Variants in ACOX3 observed in about 807,000 individuals in gnomAD.
ACOX3 encodes acyl-CoA oxidase 3, pristanoyl, also known as peroxisomal acyl-coenzyme A oxidase 3.
Under a neutral mutation model 81.5 loss-of-function variants are expected in ACOX3, and 73 were observed. That is an observed-to-expected ratio of 0.90 (90% CI 0.74 to 1.09). ACOX3 has a LOEUF of 1.09. ACOX3 is among the 50% of genes least tolerant of loss of function. The pLI is 0.00. For missense variants in ACOX3, 947 were observed against 928.0 expected (o/e 1.02, Z -0.27); for synonymous variants, 387 against 375.1 (o/e 1.03, Z -0.37).
rs116697832 is a variant in ACOX3, at chr4:8,375,557, G to A, written c.1654-405C>T. The stretch of plus-strand genomic sequence containing the variant: ...CTTCTTCCACACGGGAAGACACAGA[G>A]GAGCTGGAGAAGGGGCTTGTCAGGC... On this transcript the variant is annotated intron_variant, in intron 14 of 17. Coordinates refer to ENST00000356406, the MANE Select transcript of ACOX3 (RefSeq NM_003501.3). Among the ~76,000 whole-genome samples the A allele has an allele frequency of 3.0e-3, 461 of 152,332 alleles. 2 individuals are homozygous for A. Among genetic ancestry groups the A allele is most frequent in the African/African-American group, 0.01 (432 of 41,576 alleles).
At chr4:8,402,871 C>T (rs887860722) in intron 7 of ACOX3, among the ~76,000 whole-genome samples, 4 of 152,188 alleles carry the variant, frequency 2.6e-5, no homozygotes, top group Admixed American at 2.6e-4. Flanking sequence ...CCCTGGACAT[C>T]CTGCTTCTTA....
chr4:8,414,179 T>C lies in ACOX3; in HGVS notation c.543+113A>G. ...GTGGGTATTTCTACACAAGTGTATGTGGACAGGCCTCTTGCTTTAATGTTT... is the reference window on the plus strand; with the variant it reads ...GTGGGTATTTCTACACAAGTGTATGCGGACAGGCCTCTTGCTTTAATGTTT... On this transcript the variant is annotated intron_variant, in intron 5 of 17. Coordinates refer to ENST00000356406, the MANE Select transcript of ACOX3 (RefSeq NM_003501.3). The surrounding 1 kb of genome is among the most constrained non-coding windows in gnomAD (Gnocchi z 6.1). The C allele has an allele frequency of 1.1e-6, 1 of 886,978 alleles. No individual in the cohort carries two copies. Among genetic ancestry groups the C allele is most frequent in the Admixed American group, 2.1e-5 (1 of 48,240 alleles). 54.9% of individuals were successfully genotyped at this position (886,978 alleles called of 1,614,324 possible).
At chr4:8,383,143 C>T (rs1396771196) in intron 13 of ACOX3, among the ~76,000 whole-genome samples, 2 of 152,348 alleles carry the variant, frequency 1.3e-5, no homozygotes, top group Middle Eastern at 3.4e-3. Flanking sequence ...GCTCACACGT[C>T]AGGCGGCTTG....
At chr4:8,401,268 G>A (rs1226719234) in intron 7 of ACOX3, among the ~76,000 whole-genome samples, 2 of 152,216 alleles carry the variant, frequency 1.3e-5, no homozygotes, top group African/African-American at 4.8e-5. Flanking sequence ...CTAGTACCAC[G>A]GGGTTGGGGA....
chr4:8,382,231 G>T lies in ACOX3; in HGVS notation c.1538-624C>A, dbSNP rs759214571. 6.6e-6 allele frequency among the ~76,000 whole-genome samples: 1 copy of T among 152,196 alleles called. No individual in the cohort carries two copies. ...GTTGCAGACAGGGAGGCCCCGGGGT[G>T]GGGTGTCAGGCAGGACAGCTGGAGA... On this transcript the variant is annotated intron_variant, in intron 13 of 17. Coordinates refer to ENST00000356406, the MANE Select transcript of ACOX3 (RefSeq NM_003501.3). This position sits in a 1 kb window ranked among gnomAD's most constrained non-coding sequence, Gnocchi z 4.1.
chr4:8,391,828 A>G (rs1010233629), intron 11 of ACOX3, among the ~76,000 whole-genome samples: 2 of 152,258 alleles, frequency 1.3e-5, no homozygotes, highest in African/African-American at 4.8e-5. Context: ...GCTCTTAACC[A>G]TATAACAGCT....
At position 8,416,334 on chromosome 4, in the gene ACOX3, C is replaced by T; in HGVS notation, c.144+44G>A. Reference sequence around the variant, plus strand: ...TCCCATTCTGCTAACGAACTAAGACCCCACTGGGAAAAAAGACAAGCTGCG... The same window carrying T: ...TCCCATTCTGCTAACGAACTAAGACTCCACTGGGAAAAAAGACAAGCTGCG... On this transcript the variant is annotated intron_variant, in intron 2 of 17. Transcript: ENST00000356406. The surrounding 1 kb of genome is among the most constrained non-coding windows in gnomAD (Gnocchi z 4.2). The T allele has an allele frequency of 4.3e-6, 7 of 1,613,468 alleles. No homozygotes were observed. Among genetic ancestry groups the T allele is most frequent in the Non-Finnish European group, 5.9e-6 (7 of 1,179,944 alleles).
intron 15 of ACOX3, chr4:8,374,663 T>G: frequency 1.1e-5 from 3 of 272,512 alleles, no homozygotes; most frequent in Non-Finnish European, 2.1e-5. Context: ...GTCTGTGCCT[T>G]ATGGGACCTA....
At chr4:8,398,687 G>A (rs959916308) in intron 8 of ACOX3, among the ~76,000 whole-genome samples, 1 of 152,106 alleles carries the variant, frequency 6.6e-6, no homozygotes, top group African/African-American at 2.4e-5. Context: ...TATTGCCCAG[G>A]CTGGTCTGGA....
chr4:8,389,546 C>G lies in ACOX3; in HGVS notation c.1423+66G>C. The stretch of plus-strand genomic sequence containing the variant: ...TCACAGAACAGCTGAATCAGTGAGG[C>G]CAGGAGAACCCACCCCTGCCCCAGT... On this transcript the variant is annotated intron_variant, in intron 12 of 17. Coordinates refer to ENST00000356406, the MANE Select transcript of ACOX3 (RefSeq NM_003501.3). This position sits in a 1 kb window ranked among gnomAD's most constrained non-coding sequence, Gnocchi z 5.3. 1 of 1,606,254 alleles carries G rather than the reference C, an allele frequency of 6.2e-7. No homozygotes were observed.
Position 8,381,587 on chromosome 4 carries a change from A to G in ACOX3, c.1558T>C (p.Trp520Arg), listed in dbSNP as rs767257323. The change falls in exon 14 of 18, where the codon TGG (tryptophan) becomes CGG (arginine). Residue 520 changes from tryptophan (W) to arginine (R), a missense_variant. Physicochemically the swap from Trp to Arg is moderately radical, Grantham distance 101 (BLOSUM62 -3). Transcript: ENST00000356406. This position sits in a 1 kb window ranked among gnomAD's most constrained non-coding sequence, Gnocchi z 4.3. ...DSAVALAAYK[W>R]LVCYLLRETY... is the part of the protein sequence containing the mutation. ...TCTCGGAGCAGGTAGCAAACCAGCC[A>G]CTTGTATGCTGCCAGGGCGACTTCG... The G allele has an allele frequency of 1.9e-6, 3 of 1,613,786 alleles. No individual in the cohort carries two copies. Among genetic ancestry groups the G allele is most frequent in the South Asian group, 2.2e-5 (2 of 91,046 alleles).
Position 8,385,678 on chromosome 4 carries a change from C to T in ACOX3, c.1537+3495G>A, listed in dbSNP as rs541102259. ...AGAATCGAACCCCTGAAGGACCCGC[C>T]ATTGGCTTGGCAAATCCTCCACCCT... On this transcript the variant is annotated intron_variant, in intron 13 of 17. Coordinates refer to ENST00000356406, the MANE Select transcript of ACOX3 (RefSeq NM_003501.3). The surrounding 1 kb of genome is among the most constrained non-coding windows in gnomAD (Gnocchi z 5.5). Among the ~76,000 whole-genome samples the T allele has an allele frequency of 6.6e-6, 1 of 152,354 alleles. No homozygotes were observed. Among genetic ancestry groups the T allele is most frequent in the East Asian group, 1.9e-4 (1 of 5,180 alleles).
At position 8,391,944 on chromosome 4, in the gene ACOX3, A is replaced by T. The variant is rs187418160; in HGVS notation, c.1300+389T>A. 3.1e-3 allele frequency among the ~76,000 whole-genome samples: 466 copies of T among 152,384 alleles called. 1 individual carries two copies. Among genetic ancestry groups the T allele is most frequent in the Non-Finnish European group, 4.7e-3 (322 of 68,040 alleles). On this transcript the variant is annotated intron_variant, in intron 11 of 17. Transcript: ENST00000356406. ...AGTTTACTACCAAGCTGTTAACCAA[A>T]TAGTTAAAATTCAAATGAGCAGATC...
At chr4:8,401,356 A>C (rs548746766) in intron 7 of ACOX3, among the ~76,000 whole-genome samples, 1 of 152,138 alleles carries the variant, frequency 6.6e-6, no homozygotes, top group Admixed American at 6.5e-5. Flanking sequence ...CTGGAAGGGA[A>C]CCAGAGGCAC....
intron 13 of ACOX3, among the ~76,000 whole-genome samples, chr4:8,388,854 A>G (rs900916301): frequency 2.0e-5 from 3 of 152,214 alleles, no homozygotes; most frequent in Admixed American, 6.5e-5. Context: ...GGCAGGGGGC[A>G]GAGGCTGCTT....
downstream of ACOX3, chr4:8,366,150 A>T (rs980913543): frequency 1.3e-5 from 2 of 152,346 alleles, no homozygotes; most frequent in Non-Finnish European, 2.9e-5. Flanking sequence ...AGGGAGCAGG[A>T]GTGACCGGGG....
chr4:8,440,564 C>T (rs1362695513), intron 1 of ACOX3, 84 bp downstream of exon 1: 1 of 442,758 alleles, frequency 2.3e-6, no homozygotes, highest in Non-Finnish European at 3.9e-6. Context: ...TCCACACCCG[C>T]TGGCTGGCTG....
intron 17 of ACOX3, among the ~76,000 whole-genome samples, chr4:8,369,664 T>A (rs1332773159): frequency 2.0e-5 from 3 of 152,230 alleles, no homozygotes; most frequent in Non-Finnish European, 4.4e-5. Flanking sequence ...TGGGCCGCGC[T>A]GAGGCCAGGC....
Position 8,414,404 on chromosome 4 carries a change from A to C in ACOX3, c.454-23T>G. 1 of 1,603,244 alleles carries C rather than the reference A, an allele frequency of 6.2e-7. No homozygotes were observed. Among genetic ancestry groups the C allele is most frequent in the African/African-American group, 1.3e-5 (1 of 74,792 alleles). ...AATCTAAATGTCAAAGCACAAAATG[A>C]TGGAAAGCAAGAAAAGTTCTTTGTG... On this transcript the variant is annotated intron_variant, in intron 4 of 17. Coordinates refer to ENST00000356406, the MANE Select transcript of ACOX3 (RefSeq NM_003501.3). This position sits in a 1 kb window ranked among gnomAD's most constrained non-coding sequence, Gnocchi z 6.1.
Sources: allele counts gnomAD v4.1 joint callset (sites outside exome capture counted in the v4.1 genomes callset), GRCh38; gene constraint gnomAD v4.1.1; non-coding constraint Gnocchi (gnomAD v3.1); transcripts MANE v1.5; gene names NCBI Gene and HGNC (gene_info 2026-07-23, HGNC 2026-07-21).